The following SHROOM3 variants were observed in gnomAD, a reference collection of about 807,000 sequenced individuals.
SHROOM3 encodes shroom family member 3.
Under a neutral mutation model 138.6 loss-of-function variants are expected in SHROOM3, and 47 were observed. The ratio of observed to expected loss-of-function variants is 0.34; its 90% CI spans 0.27 to 0.43. The LOEUF (loss-of-function observed/expected upper bound fraction) is 0.43, where lower values mean the gene tolerates loss of function less well. Among genes scored for constraint, SHROOM3 ranks in the 20% least tolerant of loss-of-function variants. The pLI is 1.00. For synonymous variants in SHROOM3, 1,062 were observed against 1,063.3 expected, an observed-to-expected ratio of 1.00 and a Z score of 0.02; for missense variants, 2,491 against 2,596.5, an observed-to-expected ratio of 0.96 and a Z score of 0.88.
chr4:76,772,160 G>A (rs1049440350), intron 10 of SHROOM3, among the ~76,000 whole-genome samples: 5 of 145,536 alleles, frequency 3.4e-5, no homozygotes, highest in African/African-American at 1.3e-4. Flanking sequence ...CTTGAGTGCA[G>A]TGGCGCAATC....
chr4:76,448,708 AACT>A (rs1033697875), intron 1 of SHROOM3, among the ~76,000 whole-genome samples: 3 of 152,118 alleles, frequency 2.0e-5, no homozygotes, highest in African/African-American at 7.2e-5. Context: ...CCCCCAGGTA[AACT>A]ACTTGCATTT....
At position 76,739,639 on chromosome 4, in the gene SHROOM3, G is replaced by A. The variant is rs1488772746; in HGVS notation, c.1466G>A (p.Gly489Asp). ...QVPQPSVSSN[G>D]MLYPALAKES... ...CCTCAGCCTTCTGTGAGTAGCAACG[G>A]TATGCTCTACCCTGCACTGGCCAAG... The change falls in exon 5 of 11, where the codon GGT becomes GAT. Residue 489 changes from glycine to aspartate, a missense_variant. This residue lies in a region of SHROOM3 where 1,733 missense variants were observed against 1,661.6 expected (regional missense o/e 1.04). Transcript: ENST00000296043. The A allele has an allele frequency of 6.2e-7, 1 of 1,614,158 alleles. No individual in the cohort carries two copies. Among genetic ancestry groups the A allele is most frequent in the South Asian group, 1.1e-5 (1 of 91,072 alleles).
At chr4:76,750,438 C>T (rs1003856902) in intron 6 of SHROOM3, among the ~76,000 whole-genome samples, 3 of 152,082 alleles carry the variant, frequency 2.0e-5, no homozygotes, top group African/African-American at 7.2e-5. Flanking sequence ...TGCACGTTCT[C>T]ACTTACAAGT....
At position 76,666,631 on chromosome 4, in the gene SHROOM3, A is replaced by G. The variant is rs547017484; in HGVS notation, c.324-43525A>G. Among the ~76,000 whole-genome samples the G allele has an allele frequency of 4.6e-5, 7 of 152,310 alleles. No homozygotes were observed. The East Asian group carries it at 1.2e-3, about 25-fold the overall frequency. ...AAAAGAGGAAATGCTAAGCAAATAG[A>G]TGTTATTAAAATTGTAGTGCAAACC... On this transcript the variant is annotated intron_variant, in intron 2 of 10. Transcript: ENST00000296043.
At chr4:76,602,595 A>T (rs888462023) in intron 2 of SHROOM3, among the ~76,000 whole-genome samples, 1 of 152,224 alleles carries the variant, frequency 6.6e-6, no homozygotes, top group African/African-American at 2.4e-5. Context: ...TACAATAAAT[A>T]AACTTCATTA....
At chr4:76,731,412 A>T (rs1320252766) in intron 4 of SHROOM3, among the ~76,000 whole-genome samples, 1 of 152,198 alleles carries the variant, frequency 6.6e-6, no homozygotes, top group Non-Finnish European at 1.5e-5. Flanking sequence ...CAGTGTATAC[A>T]TTATCTCATG....
intron 2 of SHROOM3, chr4:76,689,070 G>A: frequency 2.0e-6 from 1 of 508,880 alleles, no homozygotes; most frequent in Non-Finnish European, 2.5e-6. Flanking sequence ...GCTTCTTAAA[G>A]TTGATATTTT....
intron 7 of SHROOM3, 146 bp downstream of exon 7, chr4:76,755,338 C>A: frequency 9.7e-7 from 1 of 1,028,802 alleles, no homozygotes; most frequent in Non-Finnish European, 1.4e-6. Context: ...GATCTGTTTG[C>A]CTCAGGAGGT....
intron 2 of SHROOM3, among the ~76,000 whole-genome samples, chr4:76,606,007 ATTTTTT>A (rs1164704632): frequency 2.7e-4 from 21 of 77,812 alleles, no homozygotes; most frequent in African/African-American, 5.2e-4. Context: ...ATATATATAT[ATTTTTT>A]TTTTTTTTTT....
intron 2 of SHROOM3, among the ~76,000 whole-genome samples, chr4:76,631,271 C>A (rs1447057664): frequency 7.5e-6 from 1 of 132,676 alleles, no homozygotes; most frequent in Non-Finnish European, 1.5e-5. Flanking sequence ...TGTAGTGGTG[C>A]AATCTTGGCT....
chr4:76,544,564 T>C lies in SHROOM3; in HGVS notation c.169-11045T>C, dbSNP rs191486895. ...CCTGGCTTTTTTTTGTTTTGTTTTG[T>C]TTTTGTATTTTTAGTAAAGATAGGG... On this transcript the variant is annotated intron_variant, in intron 1 of 10. Transcript: ENST00000296043. 1.8e-3 allele frequency among the ~76,000 whole-genome samples: 281 copies of C among 151,934 alleles called. 1 individual carries two copies. Among genetic ancestry groups the C allele is most frequent in the Admixed American group, 5.6e-3 (85 of 15,254 alleles).
chr4:76,538,719 A>G (rs1224848809), intron 1 of SHROOM3, among the ~76,000 whole-genome samples: 3 of 151,876 alleles, frequency 2.0e-5, no homozygotes, highest in African/African-American at 7.3e-5. Flanking sequence ...TCATTCATGC[A>G]ACATGTATTT....
At chr4:76,488,546 T>C (rs764050963) in intron 1 of SHROOM3, among the ~76,000 whole-genome samples, 12 of 152,228 alleles carry the variant, frequency 7.9e-5, no homozygotes, top group Non-Finnish European at 1.8e-4. Context: ...GCCAGATTTC[T>C]TGAGAATGTG....
chr4:76,504,163 ATTT>A (rs1178508674), intron 1 of SHROOM3, among the ~76,000 whole-genome samples: 2 of 149,342 alleles, frequency 1.3e-5, no homozygotes, highest in Non-Finnish European at 3.0e-5. Flanking sequence ...TCTCAAAAAA[ATTT>A]TTTTTTTTTG....
At chr4:76,463,733 C>G (rs1420051270) in intron 1 of SHROOM3, among the ~76,000 whole-genome samples, 1 of 152,178 alleles carries the variant, frequency 6.6e-6, no homozygotes, top group Non-Finnish European at 1.5e-5. Flanking sequence ...TGTGGCTGCT[C>G]CAGCTCCAGC....
At chr4:76,503,861 C>A (rs1193644583) in intron 1 of SHROOM3, among the ~76,000 whole-genome samples, 1 of 152,192 alleles carries the variant, frequency 6.6e-6, no homozygotes, top group East Asian at 1.9e-4. Flanking sequence ...TTTTTCTACA[C>A]TTTTGTTTAA....
In SHROOM3 at chr4:76,739,379, C is replaced by A; in HGVS notation, c.1206C>A (p.Ser402Arg). The change falls in exon 5 of 11, where the codon AGC becomes AGA. Residue 402 changes from serine to arginine, a missense_variant. Coordinates refer to ENST00000296043, the MANE Select transcript of SHROOM3 (RefSeq NM_020859.4). ...CATTTCGGCACCGTGAGCGGCCCAGCTCCTGGTCTAGCCTTGATCAGAAAC... is the reference window on the plus strand; with the variant it reads ...CATTTCGGCACCGTGAGCGGCCCAGATCCTGGTCTAGCCTTGATCAGAAAC... ...YAAFRHRERPSSWSSLDQKRL... is the reference protein window; with the variant it reads ...YAAFRHRERPRSWSSLDQKRL... The A allele has an allele frequency of 2.5e-6, 4 of 1,614,138 alleles. No homozygotes were observed. Among genetic ancestry groups the A allele is most frequent in the Non-Finnish European group, 3.4e-6 (4 of 1,180,048 alleles).
At chr4:76,538,269 A>G (rs927199069) in intron 1 of SHROOM3, among the ~76,000 whole-genome samples, 9 of 152,236 alleles carry the variant, frequency 5.9e-5, no homozygotes, top group African/African-American at 2.2e-4. Flanking sequence ...GTTGGAAAAA[A>G]AGAAAAGGAG....
intron 2 of SHROOM3, chr4:76,587,282 C>T (rs893880927): frequency 2.0e-5 from 3 of 152,088 alleles, no homozygotes; most frequent in African/African-American, 4.8e-5. Flanking sequence ...TGGTTTGGGA[C>T]TAGTGTTTTC....
Sources: allele counts gnomAD v4.1 joint callset (sites outside exome capture counted in the v4.1 genomes callset), GRCh38; gene constraint gnomAD v4.1.1; regional missense constraint gnomAD v4.1.1; transcripts MANE v1.5; gene names NCBI Gene and HGNC (gene_info 2026-07-23, HGNC 2026-07-21).